Variants in PTPRD observed in about 807,000 individuals in gnomAD.
PTPRD encodes the protein protein tyrosine phosphatase receptor type D.
A neutral mutation model predicts 214.5 loss-of-function variants in PTPRD; 34 were observed. The ratio of observed to expected loss-of-function variants is 0.16; its 90% CI spans 0.12 to 0.21. The LOEUF (loss-of-function observed/expected upper bound fraction) is 0.21. Ranked by LOEUF, PTPRD falls within the 10% of genes least tolerant of loss-of-function variation. The pLI, the probability that PTPRD is intolerant of heterozygous loss-of-function variation, is 1.00. For synonymous variants in PTPRD, 1,128 were observed against 845.7 expected (o/e 1.33, Z -5.79); for missense variants, 2,545 against 2,398.7 (o/e 1.06, Z -1.27).
chr9:9,360,594 T>C (rs540545710), intron 9 of PTPRD, among the ~76,000 whole-genome samples: 3 of 151,134 alleles, frequency 2.0e-5, no homozygotes, highest in Non-Finnish European at 4.5e-5. Context: ...AAATACAAGA[T>C]GTGAATTAAG....
At chr9:9,330,331 C>G (rs1354436841) in intron 9 of PTPRD, among the ~76,000 whole-genome samples, 2 of 152,112 alleles carry the variant, frequency 1.3e-5, no homozygotes, top group Non-Finnish European at 2.9e-5. Flanking sequence ...CTGATTGAAG[C>G]TGTATAAGAA....
At chr9:9,818,814 G>T (rs1013836210) in intron 5 of PTPRD, among the ~76,000 whole-genome samples, 45 of 150,958 alleles carry the variant, frequency 3.0e-4, no homozygotes, top group African/African-American at 1.1e-3. Flanking sequence ...TACTCGGGAG[G>T]CTGAGGCTGG....
intron 4 of PTPRD, among the ~76,000 whole-genome samples, chr9:9,985,208 G>A (rs1301756614): frequency 1.3e-5 from 2 of 152,198 alleles, no homozygotes; most frequent in African/African-American, 4.8e-5. Context: ...TGAGAAGGGA[G>A]TCTCTTTCCA....
chr9:9,810,235 T>C (rs926756385), intron 5 of PTPRD, among the ~76,000 whole-genome samples: 21 of 151,884 alleles, frequency 1.4e-4, no homozygotes, highest in Non-Finnish European at 1.6e-4. Flanking sequence ...ATATACTACA[T>C]AGACTATACA....
At position 10,449,577 on chromosome 9, in the gene PTPRD, C is replaced by T. The variant is rs111951701; in HGVS notation, c.-599-108560G>A. ...AGGAGCGTCTCTGCCCGGCCGCCAT[C>T]CCGTCTAAGTGAGGAGGGTCTCTGC... On this transcript the variant is annotated intron_variant, in intron 2 of 45. Transcript: ENST00000381196. Among the ~76,000 whole-genome samples the T allele has an allele frequency of 9.1e-3, 1,370 of 150,500 alleles. 25 individuals carry two copies. The highest frequency in any genetic ancestry group is 0.026 in the African/African-American group (1,065 of 40,534).
rs1197334880 is a variant in PTPRD, at chr9:9,267,143, G to C, written c.-202-83780C>G. On this transcript the variant is annotated intron_variant, in intron 9 of 45. Transcript: ENST00000381196. ...ATTATATGTATTGAAACATCACTAT[G>C]TACTGAAGAATATGTACAATTATTA... Among the ~76,000 whole-genome samples the C allele has an allele frequency of 3.3e-5, 5 of 151,294 alleles. No individual in the cohort carries two copies. The East Asian group carries it at 9.8e-4, about 30-fold the overall frequency.
chr9:9,479,896 T>C (rs535577135), intron 8 of PTPRD, among the ~76,000 whole-genome samples: 3 of 152,192 alleles, frequency 2.0e-5, no homozygotes, highest in Non-Finnish European at 2.9e-5. Context: ...CTGACAATAC[T>C]GAATGGTTAT....
chr9:9,227,319 G>A (rs2099960125), intron 9 of PTPRD, among the ~76,000 whole-genome samples: 1 of 152,010 alleles, frequency 6.6e-6, no homozygotes, highest in Non-Finnish European at 1.5e-5. Flanking sequence ...TGCACGGTAT[G>A]GGAGAAGACC....
chr9:8,493,913 T>C (rs147394581), intron 26 of PTPRD, among the ~76,000 whole-genome samples: 58 of 152,210 alleles, frequency 3.8e-4, no homozygotes, highest in African/African-American at 1.3e-3. Context: ...TATTAGCTTA[T>C]TCTAGTATTT....
intron 2 of PTPRD, among the ~76,000 whole-genome samples, chr9:10,419,985 A>G (rs1378050870): frequency 6.6e-6 from 1 of 151,834 alleles, no homozygotes; most frequent in African/African-American, 2.4e-5. Flanking sequence ...CAGATTTATA[A>G]TTTATTGATT....
intron 2 of PTPRD, among the ~76,000 whole-genome samples, chr9:10,403,895 T>C (rs1221482748): frequency 1.3e-5 from 2 of 151,654 alleles, no homozygotes; most frequent in Non-Finnish European, 2.9e-5. Context: ...GCACTAAAAA[T>C]ACTCTGTACG....
intron 7 of PTPRD, among the ~76,000 whole-genome samples, chr9:9,718,052 C>A (rs529526762): frequency 6.6e-6 from 1 of 152,110 alleles, no homozygotes; most frequent in Non-Finnish European, 1.5e-5. Context: ...TGCTGTTAAA[C>A]GATGCTAACT....
intron 5 of PTPRD, among the ~76,000 whole-genome samples, chr9:9,881,137 T>A (rs939943317): frequency 9.5e-4 from 145 of 152,230 alleles, no homozygotes; most frequent in African/African-American, 2.7e-3. Context: ...ATAATTTTTT[T>A]AAAAAAATAA....
intron 9 of PTPRD, among the ~76,000 whole-genome samples, chr9:9,382,202 A>G (rs188230650): frequency 1.4e-4 from 21 of 152,160 alleles, no homozygotes; most frequent in African/African-American, 5.1e-4. Flanking sequence ...GTTTATAGAA[A>G]CACAAGTAAT....
At chr9:10,281,290 G>C (rs552462394) in intron 3 of PTPRD, among the ~76,000 whole-genome samples, 4 of 152,154 alleles carry the variant, frequency 2.6e-5, no homozygotes, top group African/African-American at 7.2e-5. Context: ...GCATAATGTA[G>C]ATACCAAAAA....
At chr9:8,564,711 A>G (rs909624286) in intron 14 of PTPRD, among the ~76,000 whole-genome samples, 1 of 152,154 alleles carries the variant, frequency 6.6e-6, no homozygotes, top group African/African-American at 2.4e-5. Flanking sequence ...AAAAAAATTA[A>G]AAGTTGACAT....
Position 9,272,802 on chromosome 9 carries a change from T to TG in PTPRD, c.-202-89440dup. 2.6e-5 allele frequency among the ~76,000 whole-genome samples: 4 copies of TG among 151,392 alleles called. 1 individual carries two copies. The highest frequency in any genetic ancestry group is 2.6e-4 in the Admixed American group (4 of 15,152). On this transcript the variant is annotated intron_variant, in intron 9 of 45. Coordinates refer to ENST00000381196, the MANE Select transcript of PTPRD (RefSeq NM_002839.4). ...ACCAGGTGTTCAAAAGCAAGCACTA[T>TG]GGCCATGTTCTCCAAACTCTGTGCC...
chr9:9,662,130 G>A (rs960690258), intron 7 of PTPRD, among the ~76,000 whole-genome samples: 1 of 151,666 alleles, frequency 6.6e-6, no homozygotes, highest in Admixed American at 6.6e-5. Context: ...GTAAAGAACT[G>A]TGTAATTCTT....
chr9:9,595,954 A>C (rs1484268895), intron 7 of PTPRD, among the ~76,000 whole-genome samples: 1 of 151,526 alleles, frequency 6.6e-6, no homozygotes, highest in Non-Finnish European at 1.5e-5. Flanking sequence ...AATAAAAAAA[A>C]AATAAAAAAT....
Sources: allele counts gnomAD v4.1 joint callset (sites outside exome capture counted in the v4.1 genomes callset), GRCh38; gene constraint gnomAD v4.1.1; transcripts MANE v1.5; gene names NCBI Gene and HGNC (gene_info 2026-07-23, HGNC 2026-07-21).